MAP4: variants seen among roughly 807,000 people sequenced by gnomAD.
MAP4 encodes microtubule-associated protein 4.
A neutral mutation model predicts 170.2 loss-of-function variants in MAP4; 76 were observed. The observed-to-expected ratio is 0.45, with a 90% CI of 0.37 to 0.54. The LOEUF (loss-of-function observed/expected upper bound fraction) is 0.54. Among genes scored for constraint, MAP4 ranks in the 20% least tolerant of loss-of-function variants. The pLI is 0.00. For synonymous variants in MAP4, 909 were observed against 994.5 expected, an observed-to-expected ratio of 0.91 and a Z score of 1.62; for missense variants, 2,506 against 2,748.0, an observed-to-expected ratio of 0.91 and a Z score of 1.97.
intron 3 of MAP4, among the ~76,000 whole-genome samples, chr3:47,938,387 G>T (rs1490832411): frequency 1.3e-5 from 2 of 152,032 alleles, no homozygotes; most frequent in African/African-American, 4.8e-5. Flanking sequence ...AAGAAAAAAG[G>T]GAATTGTTAA....
At position 47,957,170 on chromosome 3, in the gene MAP4, G is replaced by A. The variant is rs762702763; in HGVS notation, c.292+20695C>T. ...ACCATGACATTCCACACAGTGTTGC[G>A]GCTGCTTCTTTTTTTGAGATGAGGT... On this transcript the variant is annotated intron_variant, in intron 3 of 20. Transcript: ENST00000683076. 3.3e-5 allele frequency among the ~76,000 whole-genome samples: 5 copies of A among 151,998 alleles called. No homozygotes were observed. In the South Asian group the frequency reaches 6.2e-4, roughly 19 times the overall value.
At chr3:47,875,490 G>A (rs768316779) in intron 12 of MAP4, among the ~76,000 whole-genome samples, 195 bp downstream of exon 12, 3 of 152,032 alleles carry the variant, frequency 2.0e-5, no homozygotes, top group Admixed American at 6.6e-5. Context: ...GCTGCTCCTC[G>A]TGGAGCAGGG....
At chr3:48,067,551 G>A (rs966790431) in intron 1 of MAP4, among the ~76,000 whole-genome samples, 19 of 152,100 alleles carry the variant, frequency 1.2e-4, no homozygotes, top group African/African-American at 4.1e-4. Flanking sequence ...TAAAAATATA[G>A]AGGCGGTCTG....
chr3:48,085,161 G>A, intron 1 of MAP4, among the ~76,000 whole-genome samples: 1 of 137,830 alleles, frequency 7.3e-6, no homozygotes. Context: ...AAATCTAAAA[G>A]CTACATAGCA....
chr3:47,942,457 T>A (rs1559539961), intron 3 of MAP4, among the ~76,000 whole-genome samples: 2 of 152,154 alleles, frequency 1.3e-5, no homozygotes. Context: ...ACAGGCATAA[T>A]TATAGCTCAC....
Position 47,998,800 on chromosome 3 carries a change from T to C in MAP4, c.61A>G (p.Ile21Val). 1 of 1,614,184 alleles carries C rather than the reference T, an allele frequency of 6.2e-7. No individual in the cohort carries two copies. The highest frequency in any genetic ancestry group is 8.5e-7 in the Non-Finnish European group (1 of 1,180,030). Reference sequence around the variant, plus strand: ...AGTGTGGCAATGAAGTCCCGCTTTATCTCTCCCTCAATGTCTGGAGATGGT... The same window carrying C: ...AGTGTGGCAATGAAGTCCCGCTTTACCTCTCCCTCAATGTCTGGAGATGGT... ...TEPSPDIEGE[I>V]KRDFIATLEA... is the part of the protein sequence containing the mutation. The change falls in exon 2 of 21, where the codon ATA becomes GTA. Residue 21 changes from isoleucine to valine, a missense_variant. By Grantham distance (29) the Ile-to-Val change is conservative. Transcript: ENST00000683076.
intron 2 of MAP4, among the ~76,000 whole-genome samples, chr3:47,987,212 T>C (rs1313280411): frequency 1.3e-5 from 2 of 152,242 alleles, no homozygotes; most frequent in Non-Finnish European, 2.9e-5. Flanking sequence ...TTGATTATGC[T>C]GTGCCATCCT....
chr3:48,020,745 T>C (rs979765615), upstream of MAP4, among the ~76,000 whole-genome samples: 1 of 152,186 alleles, frequency 6.6e-6, no homozygotes, highest in Non-Finnish European at 1.5e-5. Flanking sequence ...TGGATCAGAA[T>C]TGTTCAGGGA....
chr3:48,018,023 C>T (rs548844959), upstream of MAP4, among the ~76,000 whole-genome samples: 1 of 152,340 alleles, frequency 6.6e-6, no homozygotes, highest in South Asian at 2.1e-4. Flanking sequence ...GTGCAGTTCA[C>T]AATAGGGTTT....
In MAP4 at chr3:47,930,407, T is replaced by TGCAGTCC. The variant is rs1206211848; in HGVS notation, c.293-2064_293-2058dup. Among the ~76,000 whole-genome samples the TGCAGTCC allele has an allele frequency of 3.4e-5, 5 of 148,374 alleles. No individual in the cohort carries two copies. The Admixed American group carries it at 3.4e-4, about 10-fold the overall frequency. Reference sequence around the variant, plus strand: ...TTGCAGTGAGCCGAGATTGCGCCACTGCAGTCCGCAGTCCGGCCTGGGCGA... The same window carrying TGCAGTCC: ...TTGCAGTGAGCCGAGATTGCGCCACTGCAGTCCGCAGTCCGCAGTCCGGCCTGGGCGA... On this transcript the variant is annotated intron_variant, in intron 3 of 20. Coordinates refer to ENST00000683076, the MANE Select transcript of MAP4 (RefSeq NM_001385682.1).
At chr3:48,069,410 T>C (rs887453223) in intron 1 of MAP4, among the ~76,000 whole-genome samples, 4 of 152,190 alleles carry the variant, frequency 2.6e-5, no homozygotes, top group African/African-American at 7.2e-5. Context: ...CTCACAGTTA[T>C]TATGTGGTAC....
intron 3 of MAP4, among the ~76,000 whole-genome samples, chr3:47,959,495 G>A (rs545327418): frequency 2.0e-5 from 3 of 150,942 alleles, no homozygotes; most frequent in East Asian, 2.0e-4. Flanking sequence ...AGTGGCTCAC[G>A]TCTGTAATCC....
At position 47,852,834 on chromosome 3, in the gene MAP4, C is replaced by G; in HGVS notation, c.*100G>C. 1 of 1,553,368 alleles carries G rather than the reference C, an allele frequency of 6.4e-7. No homozygotes were observed. The highest frequency in any genetic ancestry group is 8.7e-7 in the Non-Finnish European group (1 of 1,148,360). On this transcript the variant is annotated 3_prime_UTR_variant, in exon 21 of 21. Coordinates refer to ENST00000683076, the MANE Select transcript of MAP4 (RefSeq NM_001385682.1). ...AAAGGGGGCCAAGGACCCGGGAGCCCGAGTTGGGGCCGCCAGGGAAGTGTG... is the reference window on the plus strand; with the variant it reads ...AAAGGGGGCCAAGGACCCGGGAGCCGGAGTTGGGGCCGCCAGGGAAGTGTG...
rs768878156 is a variant in MAP4 at position 47,870,957 on chromosome 3, G to C, written c.6150C>G (p.Asp2050Glu). ...TGGGTTTGGCCGAGGTGGGCTTCTT[G>C]TCTATGAAAGGAGTTGTGGAGGGCC... The part of the protein sequence containing the change: ...PSRPSTTPFI[D>E]KKPTSAKPSS... The change falls in exon 15 of 21, where the codon GAC becomes GAG. Residue 2050 changes from aspartate (D) to glutamate (E), a missense_variant. By Grantham distance (45) the Asp-to-Glu change is conservative (BLOSUM62 2). This residue lies in a region of MAP4 where 487 missense variants were observed against 511.6 expected (regional missense o/e 0.95). Coordinates refer to ENST00000683076, the MANE Select transcript of MAP4 (RefSeq NM_001385682.1). 1 of 1,614,126 alleles carries C rather than the reference G, an allele frequency of 6.2e-7. No individual in the cohort carries two copies. Among genetic ancestry groups the C allele is most frequent in the Non-Finnish European group, 8.5e-7 (1 of 1,179,982 alleles).
intron 3 of MAP4, among the ~76,000 whole-genome samples, chr3:47,951,731 C>G (rs936424825): frequency 1.3e-5 from 2 of 152,218 alleles, no homozygotes; most frequent in Non-Finnish European, 2.9e-5. Context: ...CTGCCTTGGC[C>G]TCCCAAAGTG....
At chr3:47,908,976 T>C in intron 9 of MAP4, 62 bp downstream of exon 9, 24 of 1,528,608 alleles carry the variant, frequency 1.6e-5, no homozygotes, top group Non-Finnish European at 2.1e-5. Context: ...ACAAGCTCTT[T>C]GCCTTTCTGA....
intron 1 of MAP4, among the ~76,000 whole-genome samples, chr3:48,055,392 G>A (rs1451238397): frequency 6.6e-6 from 1 of 152,120 alleles, no homozygotes; most frequent in Non-Finnish European, 1.5e-5. Context: ...TTTTGGTGGA[G>A]ACGGGGTTTC....
chr3:47,883,029 T>C (rs1287219011), intron 10 of MAP4, among the ~76,000 whole-genome samples: 1 of 152,116 alleles, frequency 6.6e-6, no homozygotes, highest in Non-Finnish European at 1.5e-5. Context: ...CAGGCTGGTC[T>C]CAAACTCCTG....
intron 15 of MAP4, among the ~76,000 whole-genome samples, chr3:47,869,674 C>T (rs945780948): frequency 6.6e-6 from 1 of 152,070 alleles, no homozygotes; most frequent in Non-Finnish European, 1.5e-5. Context: ...ACCCCCCACC[C>T]CATGCCAAAT....
Sources: allele counts gnomAD v4.1 joint callset (sites outside exome capture counted in the v4.1 genomes callset), GRCh38; gene constraint gnomAD v4.1.1; regional missense constraint gnomAD v4.1.1; transcripts MANE v1.5; gene names NCBI Gene and HGNC (gene_info 2026-07-23, HGNC 2026-07-21).